MRE11: variants seen among roughly 807,000 people sequenced by gnomAD.
MRE11 encodes MRE11 double strand break repair nuclease.
Under a neutral mutation model 91.7 loss-of-function variants are expected in MRE11, and 62 were observed. The observed-to-expected ratio is 0.68, with a 90% CI of 0.55 to 0.84. The LOEUF (loss-of-function observed/expected upper bound fraction) is 0.84. Among genes scored for constraint, MRE11 ranks in the 40% least tolerant of loss-of-function variants. MRE11 has a pLI of 0.00. For synonymous variants in MRE11, 273 were observed against 271.4 expected (o/e 1.01, Z -0.06); for missense variants, 796 against 852.9 (o/e 0.93, Z 0.83).
Position 94,467,898 on chromosome 11 carries a change from A to G in MRE11, c.1018-5T>C. ...ATTTTCAAGCATTTCTTCAATCTCA[A>G]AATTTTTAAAAAGATTAAAAAACAA... On this transcript the variant is annotated splice_polypyrimidine_tract_variant and splice_region_variant and intron_variant, in intron 9 of 19. Coordinates refer to ENST00000323929, the MANE Select transcript of MRE11 (RefSeq NM_005591.4). 1 of 1,612,408 alleles carries G rather than the reference A, an allele frequency of 6.2e-7. No individual in the cohort carries two copies. Among genetic ancestry groups the G allele is most frequent in the East Asian group, 2.2e-5 (1 of 44,832 alleles).
At chr11:94,455,859 T>TC (rs944612679) in intron 14 of MRE11, among the ~76,000 whole-genome samples, 7 of 152,170 alleles carry the variant, frequency 4.6e-5, no homozygotes, top group Non-Finnish European at 1.0e-4. Flanking sequence ...GTTGTATATA[T>TC]CCCCACACAC....
intron 1 of MRE11, 42 bp from the exon 2 acceptor site, chr11:94,492,948 C>T: frequency 1.3e-6 from 1 of 741,430 alleles, no homozygotes; most frequent in Non-Finnish European, 2.3e-6. Flanking sequence ...TTTTAAAAGC[C>T]TGCACGTATT....
In MRE11 at chr11:94,476,714, G is replaced by GT. The variant is rs201610051; in HGVS notation, c.545-312dup. ...AGCCACCATGCCTAGCTGTTTCAGG[G>GT]TTTTTTTTCTTTTCTTTTCTTTTCT... is the stretch of plus-strand genomic sequence containing the variant. On this transcript the variant is annotated intron_variant, in intron 6 of 19. Coordinates refer to ENST00000323929, the MANE Select transcript of MRE11 (RefSeq NM_005591.4). Among the ~76,000 whole-genome samples the GT allele has an allele frequency of 5.9e-3, 887 of 151,408 alleles. 5 individuals carry two copies. The highest frequency in any genetic ancestry group is 0.019 in the African/African-American group (803 of 41,314).
At chr11:94,509,269 C>T in the MRE11 span, among the ~76,000 whole-genome samples, 1 of 151,944 alleles carries the variant, frequency 6.6e-6, no homozygotes, top group Non-Finnish European at 1.5e-5. Flanking sequence ...AAAGATTTAT[C>T]CTTAATGTAT....
At chr11:94,478,683 A>G (rs1946935558) in intron 6 of MRE11, 52 bp downstream of exon 6, 12 of 1,602,552 alleles carry the variant, frequency 7.5e-6, no homozygotes, top group African/African-American at 1.3e-5. Context: ...AAATTTCTCA[A>G]TTGTTTAAAG....
Position 94,420,290 on chromosome 11 carries a change from T to C in MRE11, c.2071-109A>G. The C allele has an allele frequency of 1.1e-5, 9 of 800,232 alleles. No homozygotes were observed. The South Asian group carries it at 1.2e-4, about 11-fold the overall frequency. 49.6% of individuals were successfully genotyped at this position (800,232 alleles called of 1,614,324 possible). ...CCAGTGAGAGTCATTTCACATGGGA[T>C]AGACTTTATTTTTCTATTTCCTTTA... On this transcript the variant is annotated intron_variant, in intron 19 of 19. Coordinates refer to ENST00000323929, the MANE Select transcript of MRE11 (RefSeq NM_005591.4).
chr11:94,432,813 AAAACAAAACAAAACG>A (rs1471006264), intron 18 of MRE11, among the ~76,000 whole-genome samples: 14 of 152,350 alleles, frequency 9.2e-5, no homozygotes, highest in East Asian at 7.7e-4. Context: ...CTCAAAAAAC[AAAACAAAACAAAACG>A]AAACAAAACA....
rs1336112966 is a variant in MRE11, at chr11:94,470,459, A to G, written c.1017+12T>C. On this transcript the variant is annotated intron_variant, in intron 9 of 19. Transcript: ENST00000323929. ...TAAAGTAGATCTCATTGACTTTATC[A>G]AAAAGAATTACCTTCTCCAAACAGA... 6.2e-7 allele frequency: 1 copy of G among 1,611,296 alleles called. No individual in the cohort carries two copies. The highest frequency in any genetic ancestry group is 8.5e-7 in the Non-Finnish European group (1 of 1,178,136).
chr11:94,484,210 A>T (rs1003058460), intron 4 of MRE11, among the ~76,000 whole-genome samples: 4 of 152,094 alleles, frequency 2.6e-5, no homozygotes, highest in African/African-American at 7.2e-5. Context: ...ACCCAAAGGA[A>T]AAAAAAATGG....
chr11:94,479,840 T>C, intron 4 of MRE11, 79 bp from the exon 5 acceptor site: 2 of 1,142,108 alleles, frequency 1.8e-6, no homozygotes, highest in Non-Finnish European at 2.6e-6. Flanking sequence ...AAAATATTAA[T>C]GCAATCATAG....
chr11:94,428,654 G>C (rs191990483), intron 19 of MRE11, among the ~76,000 whole-genome samples: 136 of 152,232 alleles, frequency 8.9e-4, no homozygotes, highest in African/African-American at 3.2e-3. Context: ...ATAAGGTCAG[G>C]AGTTTGAGAC....
At position 94,460,989 on chromosome 11, in the gene MRE11, T is replaced by A. The variant is rs1293831035; in HGVS notation, c.1273A>T (p.Thr425Ser). The A allele has an allele frequency of 1.2e-6, 2 of 1,613,842 alleles. No homozygotes were observed. Among genetic ancestry groups the A allele is most frequent in the Admixed American group, 1.7e-5 (1 of 60,030 alleles). ...ACAAGATCTTCTACCCTTAAAGTTGTTCCTTCTGAAGGCTTTGTGATAAGT... is the reference window on the plus strand; with the variant it reads ...ACAAGATCTTCTACCCTTAAAGTTGATCCTTCTGAAGGCTTTGTGATAAGT... ...GKLITKPSEG[T>S]TLRVEDLVKQ... The change falls in exon 12 of 20, where the codon ACA becomes TCA. Residue 425 changes from threonine to serine, a missense_variant. Coordinates refer to ENST00000323929, the MANE Select transcript of MRE11 (RefSeq NM_005591.4).
intron 12 of MRE11, 107 bp from the exon 13 acceptor site, chr11:94,459,688 T>A (rs770283465): frequency 2.7e-5 from 33 of 1,207,896 alleles, no homozygotes; most frequent in Non-Finnish European, 3.7e-5. Flanking sequence ...AAAAATATAG[T>A]GAACAGCTGT....
chr11:94,501,041 G>A, the MRE11 span, among the ~76,000 whole-genome samples: 2 of 152,108 alleles, frequency 1.3e-5, no homozygotes, highest in South Asian at 4.1e-4. Flanking sequence ...GCTATAATTA[G>A]TTTATCATAA....
chr11:94,486,104 GTTAAAA>G lies in MRE11; in HGVS notation c.154-26_154-21del, dbSNP rs1947137356. On this transcript the variant is annotated intron_variant, in intron 3 of 19. Transcript: ENST00000323929. The stretch of plus-strand genomic sequence containing the variant: ...ATCCACCTGATCAACAGAAAAAGGT[GTTAAAA>G]TTAGTATGTTTTACAGGTAAAATTT... 6.2e-7 allele frequency: 1 copy of G among 1,612,508 alleles called. No individual in the cohort carries two copies. The highest frequency in any genetic ancestry group is 8.5e-7 in the Non-Finnish European group (1 of 1,179,258).
intron 2 of MRE11, among the ~76,000 whole-genome samples, chr11:94,491,734 C>T (rs535555169): frequency 6.6e-6 from 1 of 152,260 alleles, no homozygotes; most frequent in East Asian, 1.9e-4. Flanking sequence ...AAAACTCAGG[C>T]TATTTTCAAT....
chr11:94,432,133 T>C (rs551772222), intron 18 of MRE11, among the ~76,000 whole-genome samples: 17 of 152,278 alleles, frequency 1.1e-4, no homozygotes, highest in African/African-American at 3.9e-4. Flanking sequence ...TGAGTTAGGT[T>C]TCTATCAGCT....
chr11:94,502,426 T>G, the MRE11 span, among the ~76,000 whole-genome samples: 30 of 152,248 alleles, frequency 2.0e-4, no homozygotes, highest in Non-Finnish European at 4.0e-4. Flanking sequence ...TACCACCAGT[T>G]TGTCTATCAT....
At chr11:94,466,279 G>C (rs750363605) in intron 10 of MRE11, among the ~76,000 whole-genome samples, 1 of 152,174 alleles carries the variant, frequency 6.6e-6, no homozygotes, top group African/African-American at 2.4e-5. Flanking sequence ...TAGCAGAAAA[G>C]ACATGCAAAA....
Sources: gnomAD v4.1 joint callset for allele counts (sites outside exome capture counted in the v4.1 genomes callset) on GRCh38, gnomAD v4.1.1 for gene constraint, MANE v1.5 for transcripts, NCBI Gene and HGNC (gene_info 2026-07-23, HGNC 2026-07-21) for gene names.